Variants in RERE observed in about 807,000 individuals in gnomAD.
The protein encoded by RERE is arginine-glutamic acid dipeptide repeats.
In RERE, 40 loss-of-function variants were observed where a neutral mutation model predicts 146.1. The observed-to-expected ratio is 0.27, with a 90% CI of 0.21 to 0.36. The LOEUF is 0.36. Among genes scored for constraint, RERE ranks in the 10% least tolerant of loss-of-function variants. The probability of loss-of-function intolerance (pLI) is 1.00; values close to 1 mark genes in which losing one functional copy is unlikely to be tolerated. For missense variants in RERE, 1,933 were observed against 2,138.7 expected (o/e 0.90, Z 1.90); for synonymous variants, 1,003 against 866.0 (o/e 1.16, Z -2.78).
intron 1 of RERE, among the ~76,000 whole-genome samples, chr1:8,738,292 T>A (rs1640240207): frequency 6.6e-6 from 1 of 152,114 alleles, no homozygotes; most frequent in African/African-American, 2.4e-5. Flanking sequence ...TCTTTTTTTT[T>A]ATTTTTTTGA....
chr1:8,541,151 A>G (rs112221546), intron 7 of RERE, 63 bp downstream of exon 7: 1 of 901,442 alleles, frequency 1.1e-6, no homozygotes, highest in Non-Finnish European at 1.8e-6. Context: ...ACACACATAC[A>G]CACACACACA....
At chr1:8,690,690 T>C (rs1034500460) in intron 1 of RERE, among the ~76,000 whole-genome samples, 25 of 152,192 alleles carry the variant, frequency 1.6e-4, no homozygotes, top group African/African-American at 5.8e-4. Context: ...CACACCTAGT[T>C]TCACGGGTCA....
intron 1 of RERE, among the ~76,000 whole-genome samples, chr1:8,676,045 T>C (rs993407286): frequency 3.9e-5 from 6 of 152,330 alleles, no homozygotes; most frequent in Non-Finnish European, 8.8e-5. Context: ...TATATTACCA[T>C]ATAAAGGGTC....
intron 4 of RERE, among the ~76,000 whole-genome samples, chr1:8,607,403 G>C (rs1007620687): frequency 1.3e-5 from 2 of 150,010 alleles, no homozygotes; most frequent in African/African-American, 4.9e-5. Context: ...AAAATACTAC[G>C]ATATCCTAAA....
chr1:8,443,875 T>C (rs1644284398), intron 11 of RERE, among the ~76,000 whole-genome samples: 2 of 152,078 alleles, frequency 1.3e-5, no homozygotes, highest in South Asian at 4.1e-4. Context: ...GATGGAGGCT[T>C]GGCAGCCTCT....
intron 1 of RERE, among the ~76,000 whole-genome samples, chr1:8,737,227 G>A (rs1640219010): frequency 1.3e-5 from 2 of 152,252 alleles, no homozygotes; most frequent in South Asian, 4.1e-4. Context: ...TCTTAGGGCA[G>A]TGCTTTGGTA....
intron 4 of RERE, among the ~76,000 whole-genome samples, chr1:8,589,113 G>C (rs1201598639): frequency 6.6e-6 from 1 of 151,944 alleles, no homozygotes; most frequent in Admixed American, 6.6e-5. Flanking sequence ...AACTGAGCAG[G>C]ACTCTGTCCC....
At chr1:8,642,900 C>T (rs61785505) in intron 2 of RERE, among the ~76,000 whole-genome samples, 55 of 152,286 alleles carry the variant, frequency 3.6e-4, no homozygotes, top group Non-Finnish European at 6.9e-4. Context: ...CCAAGAGAGG[C>T]ACCTAGGGCT....
chr1:8,548,419 A>G (rs1266135204), intron 6 of RERE, among the ~76,000 whole-genome samples: 3 of 152,192 alleles, frequency 2.0e-5, no homozygotes, highest in Non-Finnish European at 2.9e-5. Context: ...CAACAAATGA[A>G]CCTAAATGTA....
intron 12 of RERE, chr1:8,380,814 G>A (rs1176808608): frequency 2.2e-6 from 1 of 456,730 alleles, no homozygotes; most frequent in Non-Finnish European, 4.4e-6. Context: ...TGCTGATGAA[G>A]GAACCAAAGT....
intron 12 of RERE, among the ~76,000 whole-genome samples, chr1:8,401,775 C>G (rs1469961348): frequency 5.3e-5 from 8 of 151,922 alleles, no homozygotes; most frequent in African/African-American, 1.5e-4. Context: ...AAAAAAAAGC[C>G]TACTTTCCCT....
chr1:8,424,114 C>G (rs1570208862), intron 11 of RERE: 1 of 152,276 alleles, frequency 6.6e-6, no homozygotes, highest in Admixed American at 6.5e-5. Context: ...GGCTGCGCCC[C>G]GGCCGCACGC....
chr1:8,501,369 C>T (rs1481883905), intron 8 of RERE, among the ~76,000 whole-genome samples: 1 of 81,352 alleles, frequency 1.2e-5, no homozygotes. Flanking sequence ...CCGCCCAGTC[C>T]GGGAGGAAGG....
intron 12 of RERE, among the ~76,000 whole-genome samples, chr1:8,411,150 T>C (rs1643604689): frequency 6.6e-6 from 1 of 152,132 alleles, no homozygotes; most frequent in African/African-American, 2.4e-5. Context: ...AAATGGGTAT[T>C]CCTATTGGTA....
At chr1:8,766,136 A>T (rs549921564) in intron 1 of RERE, among the ~76,000 whole-genome samples, 3 of 152,116 alleles carry the variant, frequency 2.0e-5, no homozygotes, top group African/African-American at 7.2e-5. Context: ...AAAAGAAAAA[A>T]CAAACAAAAG....
rs1360535664 is a variant in RERE, at chr1:8,490,224, G to C, written c.1104+4839C>G. On this transcript the variant is annotated intron_variant, in intron 10 of 22. Transcript: ENST00000400908. ...AAAAATACAAAAAAATTAGCTGGACGTGGTGGCACATGCCTGTAGCTACTC... is the reference window on the plus strand; with the variant it reads ...AAAAATACAAAAAAATTAGCTGGACCTGGTGGCACATGCCTGTAGCTACTC... Among the ~76,000 whole-genome samples the C allele has an allele frequency of 2.0e-5, 3 of 148,774 alleles. 1 individual carries two copies. Among genetic ancestry groups the C allele is most frequent in the Admixed American group, 6.6e-5 (1 of 15,154 alleles).
intron 1 of RERE, among the ~76,000 whole-genome samples, chr1:8,722,697 T>C (rs1171887830): frequency 1.3e-5 from 2 of 152,256 alleles, no homozygotes; most frequent in Admixed American, 6.5e-5. Flanking sequence ...ACTATTTACA[T>C]GGCCTTTACA....
chr1:8,534,715 TAC>T, intron 7 of RERE, among the ~76,000 whole-genome samples: 1 of 152,178 alleles, frequency 6.6e-6, no homozygotes, highest in East Asian at 1.9e-4. Flanking sequence ...AGATGAGATC[TAC>T]ACAGTCACAA....
intron 3 of RERE, among the ~76,000 whole-genome samples, chr1:8,616,330 CGAAATGA>C (rs1271516101): frequency 6.6e-6 from 1 of 152,060 alleles, no homozygotes; most frequent in Non-Finnish European, 1.5e-5. Context: ...TTCTCACATA[CGAAATGA>C]GAAAACTTTG....
Sources: allele counts gnomAD v4.1 joint callset (sites outside exome capture counted in the v4.1 genomes callset), GRCh38; gene constraint gnomAD v4.1.1; transcripts MANE v1.5; gene names NCBI Gene and HGNC (gene_info 2026-07-23, HGNC 2026-07-21).